Variants in ALDH1L2 observed in about 807,000 individuals in gnomAD.
ALDH1L2 encodes the protein mitochondrial 10-formyltetrahydrofolate dehydrogenase.
A neutral mutation model predicts 111.0 loss-of-function variants in ALDH1L2; 91 were observed. The ratio of observed to expected loss-of-function variants is 0.82; its 90% CI spans 0.69 to 0.98. ALDH1L2 has a LOEUF of 0.98. Ranked by LOEUF, ALDH1L2 falls within the 50% of genes least tolerant of loss-of-function variation. The probability of loss-of-function intolerance (pLI) is 0.00; values close to 1 mark genes in which losing one functional copy is unlikely to be tolerated. For synonymous variants in ALDH1L2, 374 were observed against 392.6 expected, an observed-to-expected ratio of 0.95 and a Z score of 0.56; for missense variants, 995 against 1,126.8, an observed-to-expected ratio of 0.88 and a Z score of 1.67.
chr12:105,029,181 C>A lies in ALDH1L2; in HGVS notation c.2516+1143G>T, dbSNP rs1186773641. Among the ~76,000 whole-genome samples the A allele has an allele frequency of 4.6e-5, 7 of 151,884 alleles. 1 individual carries two copies. The highest frequency in any genetic ancestry group is 4.6e-4 in the Admixed American group (7 of 15,260). On this transcript the variant is annotated intron_variant, in intron 21 of 22. Transcript: ENST00000258494. ...TAGCTGGGACTACAGGCACATGCCA[C>A]CATGCCCAGCTAATTTTTAAAAAAA...
intron 12 of ALDH1L2, among the ~76,000 whole-genome samples, chr12:105,051,216 G>T (rs561008385): frequency 6.6e-6 from 1 of 152,174 alleles, no homozygotes; most frequent in African/African-American, 2.4e-5. Context: ...CTGTGACCTT[G>T]ACCCTGGTGA....
intron 20 of ALDH1L2, among the ~76,000 whole-genome samples, chr12:105,031,563 C>T (rs1874695746): frequency 6.6e-6 from 1 of 152,176 alleles, no homozygotes; most frequent in African/African-American, 2.4e-5. Flanking sequence ...TCACTGCAGC[C>T]TCCTCCGCTC....
chr12:105,061,023 G>A lies in ALDH1L2; in HGVS notation c.1097C>T (p.Thr366Ile), dbSNP rs747620623. The change falls in exon 9 of 23, where the codon ACA becomes ATA. Residue 366 changes from threonine to isoleucine, a missense_variant. Transcript: ENST00000258494. ...LSNVPIIEDS[T>I]DFFKSGASSM... is the part of the protein sequence containing the mutation. ...GCTTGCTCCAGATTTAAAGAAGTCT[G>A]TTGAGTCTTCAATAATGGGGACATT... 1.2e-6 allele frequency: 2 copies of A among 1,614,002 alleles called. No individual in the cohort carries two copies. Among genetic ancestry groups the A allele is most frequent in the Non-Finnish European group, 8.5e-7 (1 of 1,179,932 alleles).
chr12:105,038,915 C>A (rs61938826), intron 17 of ALDH1L2, among the ~76,000 whole-genome samples: 3,402 of 152,176 alleles, frequency 0.022, 56 homozygotes, highest in Non-Finnish European at 0.036. Flanking sequence ...ACCAGACTAC[C>A]GAAGCATTGG....
intron 15 of ALDH1L2, among the ~76,000 whole-genome samples, chr12:105,043,523 C>T (rs919284068): frequency 5.3e-5 from 8 of 152,162 alleles, no homozygotes; most frequent in African/African-American, 1.9e-4. Flanking sequence ...AGTGGATTTA[C>T]ATCTAGTGTA....
At chr12:105,050,559 T>C in intron 12 of ALDH1L2, 1 of 373,832 alleles carries the variant, frequency 2.7e-6, no homozygotes. Context: ...GTAAGACTCA[T>C]CTTTTGTGTT....
rs60519636 is a variant in ALDH1L2, at chr12:105,055,270, C to T, written c.1288-2339G>A. Among the ~76,000 whole-genome samples, 318 of 152,282 alleles carry T rather than the reference C, an allele frequency of 2.1e-3. 1 individual carries two copies. The highest frequency in any genetic ancestry group is 7.2e-3 in the African/African-American group (301 of 41,562). ...ACAAATGCTGGGAGACTTATTGGCT[C>T]AAGGTGTCTAAGAAAATCTATGCCC... is the stretch of plus-strand genomic sequence containing the variant. On this transcript the variant is annotated intron_variant, in intron 10 of 22. Transcript: ENST00000258494.
chr12:105,062,407 C>T (rs183968380), intron 7 of ALDH1L2, among the ~76,000 whole-genome samples: 38 of 152,332 alleles, frequency 2.5e-4, no homozygotes, highest in African/African-American at 8.7e-4. Flanking sequence ...TCCCTTTGCA[C>T]GCTTCATTGG....
intron 22 of ALDH1L2, among the ~76,000 whole-genome samples, chr12:105,025,157 C>T (rs560066621): frequency 5.9e-5 from 9 of 152,204 alleles, no homozygotes; most frequent in South Asian, 2.1e-4. Flanking sequence ...CTAATGAGTG[C>T]GTGATTCTGG....
chr12:105,030,620 C>G (rs1183570135), intron 20 of ALDH1L2, among the ~76,000 whole-genome samples, 191 bp from the exon 21 acceptor site: 1 of 152,004 alleles, frequency 6.6e-6, no homozygotes, highest in Non-Finnish European at 1.5e-5. Flanking sequence ...ATGAAAATGT[C>G]AAACCTATGT....
intron 4 of ALDH1L2, among the ~76,000 whole-genome samples, chr12:105,067,196 A>G (rs1038968608): frequency 8.4e-5 from 12 of 142,908 alleles, no homozygotes; most frequent in Non-Finnish European, 6.0e-5. Context: ...AGCCTGGGCG[A>G]CAGAGCGAGA....
intron 20 of ALDH1L2, 50 bp downstream of exon 20, chr12:105,031,719 C>A (rs368549695): frequency 3.8e-6 from 6 of 1,586,372 alleles, no homozygotes; most frequent in South Asian, 1.1e-5. Flanking sequence ...GCTGTCCATT[C>A]CAACTGAAGA....
chr12:105,028,860 C>T (rs975630844), intron 21 of ALDH1L2, among the ~76,000 whole-genome samples: 17 of 152,088 alleles, frequency 1.1e-4, no homozygotes, highest in African/African-American at 3.1e-4. Flanking sequence ...ACATTGTTAC[C>T]AAACCATACT....
In ALDH1L2 at chr12:105,070,569, C is replaced by T; in HGVS notation, c.428+1G>A. 2 of 1,600,770 alleles carry T rather than the reference C, an allele frequency of 1.2e-6. No individual in the cohort carries two copies. The highest frequency in any genetic ancestry group is 8.5e-7 in the Non-Finnish European group (1 of 1,174,452). The stretch of plus-strand genomic sequence containing the variant: ...AAAAAAGTAAAAAGAAAAAATCTCA[C>T]CAATTGATAGCAGAGGCTCCTCTGT... On this transcript the variant is annotated splice_donor_variant, in intron 3 of 22. Transcript: ENST00000258494. LOFTEE classifies it high-confidence loss of function.
intron 18 of ALDH1L2, 35 bp from the exon 19 acceptor site, chr12:105,034,433 A>G (rs748844874): frequency 1.7e-5 from 26 of 1,572,550 alleles, no homozygotes; most frequent in South Asian, 8.0e-5. Context: ...TGCTAACATC[A>G]TTTGAGAAGT....
At position 105,070,405 on chromosome 12, in the gene ALDH1L2, G is replaced by A. The variant is rs1349707014; in HGVS notation, c.428+165C>T. The A allele has an allele frequency of 6.4e-6, 4 of 622,404 alleles. No individual in the cohort carries two copies. In the African/African-American group the frequency reaches 7.4e-5, roughly 11 times the overall value. The allele number at this position is 622,404 out of a possible 1,614,324, so 38.6% of individuals were successfully genotyped here. Reference sequence around the variant, plus strand: ...GGCAATTGAAATACACTCACCCTCTGTGTAATTAAAAAAGTCTCACTGGGT... The same window carrying A: ...GGCAATTGAAATACACTCACCCTCTATGTAATTAAAAAAGTCTCACTGGGT... On this transcript the variant is annotated intron_variant, in intron 3 of 22. Transcript: ENST00000258494.
intron 6 of ALDH1L2, among the ~76,000 whole-genome samples, chr12:105,064,233 C>T (rs886656557): frequency 7.0e-5 from 10 of 143,188 alleles, no homozygotes; most frequent in Non-Finnish European, 1.4e-4. Flanking sequence ...CCTCCCACCT[C>T]GGCCTCCCAA....
At chr12:105,038,238 A>C (rs759502628) in intron 17 of ALDH1L2, 36 bp from the exon 18 acceptor site, 1 of 1,347,174 alleles carries the variant, frequency 7.4e-7, no homozygotes. Context: ...GCATTTAGTT[A>C]ACATCTCTCT....
In ALDH1L2 at chr12:105,022,346, G is replaced by T. The variant is rs1295763326; in HGVS notation, c.*2078C>A. The T allele has an allele frequency of 6.6e-6, 1 of 152,174 alleles. No individual in the cohort carries two copies. The highest frequency in any genetic ancestry group is 1.5e-5 in the Non-Finnish European group (1 of 68,030). 9.4% of individuals were successfully genotyped at this position (152,174 alleles called of 1,614,324 possible). On this transcript the variant is annotated 3_prime_UTR_variant, in exon 23 of 23. Coordinates refer to ENST00000258494, the MANE Select transcript of ALDH1L2 (RefSeq NM_001034173.4). ...GTGTGTGTGCACATGAATTTTGGGGGTAGAAGCGGGACACAGGGAGTGTTC... is the reference window on the plus strand; with the variant it reads ...GTGTGTGTGCACATGAATTTTGGGGTTAGAAGCGGGACACAGGGAGTGTTC...
Sources: gnomAD v4.1 joint callset for allele counts (sites outside exome capture counted in the v4.1 genomes callset) on GRCh38, gnomAD v4.1.1 for gene constraint, MANE v1.5 for transcripts, NCBI Gene and HGNC (gene_info 2026-07-23, HGNC 2026-07-21) for gene names.